The following DNAH9 variants were observed in gnomAD, a reference collection of about 807,000 sequenced individuals.
DNAH9 encodes DNAH9 variant protein.
DNAH9 carries 345 observed loss-of-function variants against 471.6 expected under a neutral mutation model. The observed-to-expected ratio is 0.73, with a 90% CI of 0.67 to 0.80. DNAH9 has a LOEUF of 0.80. DNAH9 is among the 30% of genes least tolerant of loss of function. The pLI, the probability that DNAH9 is intolerant of heterozygous loss-of-function variation, is 0.00. For missense variants in DNAH9, 5,407 were observed against 5,609.2 expected (o/e 0.96, Z 1.15); for synonymous variants, 2,093 against 2,123.6 (o/e 0.99, Z 0.40).
intron 56 of DNAH9, 33 bp downstream of exon 56, chr17:11,883,783 CCTAGGCTGGGGTCCTCCTA>C (rs1442300549): frequency 6.2e-7 from 1 of 1,601,368 alleles, no homozygotes; most frequent in Non-Finnish European, 8.5e-7. Flanking sequence ...GGGAAGGCAG[CCTAGGCTGGGGTCCTCCTA>C]CAATTTTCTC....
chr17:11,785,004 T>C (rs1280877818), intron 41 of DNAH9, among the ~76,000 whole-genome samples: 1 of 152,172 alleles, frequency 6.6e-6, no homozygotes, highest in African/African-American at 2.4e-5. Flanking sequence ...TAAGATGCCA[T>C]CTGCCAGCCT....
At chr17:11,857,029 T>C (rs1434352090) in intron 50 of DNAH9, among the ~76,000 whole-genome samples, 1 of 152,130 alleles carries the variant, frequency 6.6e-6, no homozygotes, top group African/African-American at 2.4e-5. Flanking sequence ...CCAGCCCATA[T>C]TCCTGCTTTT....
intron 26 of DNAH9, among the ~76,000 whole-genome samples, chr17:11,712,638 C>T (rs970279706): frequency 6.6e-6 from 1 of 151,986 alleles, no homozygotes; most frequent in African/African-American, 2.4e-5. Flanking sequence ...AGTAATATGA[C>T]ATTTGGACTT....
rs1336146784 is a variant in DNAH9 at position 11,757,535 on chromosome 17, G to A, written c.6848-10G>A. On this transcript the variant is annotated splice_polypyrimidine_tract_variant and intron_variant, in intron 34 of 68. Coordinates refer to ENST00000262442, the MANE Select transcript of DNAH9 (RefSeq NM_001372.4). The stretch of plus-strand genomic sequence containing the variant: ...GAATATTCACTAAACTGTATTCTCT[G>A]TGCTCACAGGGATCTTGTACATCAA... 3.1e-6 allele frequency: 5 copies of A among 1,609,770 alleles called. No individual in the cohort carries two copies. The highest frequency in any genetic ancestry group is 3.3e-5 in the Admixed American group (2 of 59,882).
intron 45 of DNAH9, 133 bp downstream of exon 45, chr17:11,810,502 A>G: frequency 2.5e-6 from 3 of 1,181,762 alleles, no homozygotes; most frequent in Non-Finnish European, 3.5e-6. Flanking sequence ...ACAGCCAAGG[A>G]CTGGTTCATT....
intron 10 of DNAH9, among the ~76,000 whole-genome samples, chr17:11,643,197 C>T (rs546635281): frequency 6.6e-6 from 1 of 152,334 alleles, no homozygotes; most frequent in South Asian, 2.1e-4. Flanking sequence ...GTACCTCGAG[C>T]CACACTCTCT....
intron 41 of DNAH9, 113 bp downstream of exon 41, chr17:11,784,652 G>C: frequency 6.9e-7 from 1 of 1,451,650 alleles, no homozygotes; most frequent in East Asian, 2.3e-5. Flanking sequence ...CAAAGCCACT[G>C]TTCATATGTA....
At chr17:11,768,714 G>A (rs747857406) in intron 37 of DNAH9, 88 bp downstream of exon 37, 1 of 1,489,324 alleles carries the variant, frequency 6.7e-7, no homozygotes, top group Non-Finnish European at 9.1e-7. Flanking sequence ...ATGGCTATCT[G>A]AGCATTTGTC....
chr17:11,690,244 T>C lies in DNAH9; in HGVS notation c.4422T>C (p.Asp1474=), dbSNP rs781721403. The part of the protein sequence containing the change: ...SDEDLIEVLE[D]NQVQLQNLVM... ...AGGACCTCATAGAGGTTCTGGAGGA[T>C]AATCAAGTTCAACTTCAGAACCTGG... Residue 1474 remains aspartate, a synonymous_variant, in exon 20 of 69, where the codon GAT becomes GAC. Coordinates refer to ENST00000262442, the MANE Select transcript of DNAH9 (RefSeq NM_001372.4). 10 of 1,614,064 alleles carry C rather than the reference T, an allele frequency of 6.2e-6. No homozygotes were observed. Among genetic ancestry groups the C allele is most frequent in the African/African-American group, 2.7e-5 (2 of 74,922 alleles).
At chr17:11,637,531 G>A (rs1016965794) in intron 9 of DNAH9, among the ~76,000 whole-genome samples, 5 of 152,058 alleles carry the variant, frequency 3.3e-5, no homozygotes, top group Non-Finnish European at 5.9e-5. Flanking sequence ...TCAGGAGTTC[G>A]AGGCTGCAGG....
chr17:11,750,521 A>G (rs1003107014), intron 32 of DNAH9, among the ~76,000 whole-genome samples: 4 of 152,178 alleles, frequency 2.6e-5, no homozygotes, highest in African/African-American at 9.6e-5. Flanking sequence ...AAAATTAAAA[A>G]TGTAATTGGC....
intron 1 of DNAH9, among the ~76,000 whole-genome samples, chr17:11,604,788 C>A (rs1476221592): frequency 6.6e-6 from 1 of 152,076 alleles, no homozygotes; most frequent in African/African-American, 2.4e-5. Context: ...CCATTTCTTA[C>A]CATCTCCCCC....
intron 45 of DNAH9, among the ~76,000 whole-genome samples, chr17:11,812,056 C>CATATATATATATATATATATATATAT (rs371646004): frequency 7.9e-5 from 5 of 63,420 alleles, no homozygotes; most frequent in Admixed American, 2.1e-4. Context: ...TATATATATA[C>CATATATATATATATATATATATATAT]ACATACATAC....
rs1339200475 is a variant in DNAH9 at position 11,616,192 on chromosome 17, T to A, written c.905-1219T>A. ...GAAAGTTATTCAGACCTTAATTTCT[T>A]CACTTATAAAATACTAAAGTATGAA... On this transcript the variant is annotated intron_variant, in intron 4 of 68. Transcript: ENST00000262442. Among the ~76,000 whole-genome samples the A allele has an allele frequency of 2.0e-5, 3 of 152,288 alleles. No individual in the cohort carries two copies. In the East Asian group the frequency reaches 5.8e-4, roughly 29 times the overall value.
chr17:11,908,093 G>A (rs1973667666), intron 61 of DNAH9, among the ~76,000 whole-genome samples: 1 of 152,026 alleles, frequency 6.6e-6, no homozygotes, highest in Non-Finnish European at 1.5e-5. Flanking sequence ...ACACGGGGTG[G>A]GGACTGGGAG....
At chr17:11,727,169 C>T (rs914506766) in intron 27 of DNAH9, among the ~76,000 whole-genome samples, 3 of 151,842 alleles carry the variant, frequency 2.0e-5, no homozygotes, top group African/African-American at 7.3e-5. Context: ...TGAGTGTCTC[C>T]CAGGAACCTA....
intron 52 of DNAH9, among the ~76,000 whole-genome samples, chr17:11,874,623 A>G (rs1291314927): frequency 1.3e-5 from 2 of 152,208 alleles, no homozygotes; most frequent in Non-Finnish European, 2.9e-5. Context: ...CACTGTTAAC[A>G]TGGGTGAGAG....
At chr17:11,652,078 AG>A (rs1256339415) in intron 13 of DNAH9, among the ~76,000 whole-genome samples, 1 of 152,194 alleles carries the variant, frequency 6.6e-6, no homozygotes, top group African/African-American at 2.4e-5. Flanking sequence ...CATATACAAG[AG>A]GAAAAGACAT....
intron 31 of DNAH9, 124 bp downstream of exon 31, chr17:11,745,208 T>C (rs568262902): frequency 2.5e-6 from 2 of 800,282 alleles, no homozygotes; most frequent in Non-Finnish European, 4.0e-6. Context: ...TAGTTAGTAA[T>C]AACTCAATTC....
Sources: gnomAD v4.1 joint callset for allele counts (sites outside exome capture counted in the v4.1 genomes callset) on GRCh38, gnomAD v4.1.1 for gene constraint, MANE v1.5 for transcripts, NCBI Gene and HGNC (gene_info 2026-07-23, HGNC 2026-07-21) for gene names.